Variants in POU2AF3 observed in about 807,000 individuals in gnomAD.
POU2AF3 encodes the protein POU class 2 homeobox associating factor 3.
the POU2AF3 span, chr11:111,306,525 G>A: frequency 3.2e-6 from 5 of 1,550,076 alleles, no homozygotes; most frequent in Non-Finnish European, 4.4e-6. Flanking sequence ...CCTTCAGACA[G>A]AGATGCACCC....
chr11:111,302,489 T>A, the POU2AF3 span, among the ~76,000 whole-genome samples: 1 of 152,324 alleles, frequency 6.6e-6, no homozygotes, highest in African/African-American at 2.4e-5. Flanking sequence ...GGCACTTCTG[T>A]TGCTGCTGGG....
At chr11:111,305,085 T>A in the POU2AF3 span, 1 of 613,106 alleles carries the variant, frequency 1.6e-6, no homozygotes, top group Non-Finnish European at 2.4e-6. Context: ...CACCACCATT[T>A]AATTGGAATC....
chr11:111,302,101 C>T, the POU2AF3 span, among the ~76,000 whole-genome samples: 1 of 152,182 alleles, frequency 6.6e-6, no homozygotes, highest in African/African-American at 2.4e-5. Context: ...TTTATAACAA[C>T]CAGCGGAGGT....
At chr11:111,298,564 C>A in the POU2AF3 span, 1 of 1,246,578 alleles carries the variant, frequency 8.0e-7, no homozygotes, top group South Asian at 4.1e-5. Flanking sequence ...GCCACCGACC[C>A]AGCTCCTGCT....
the POU2AF3 span, chr11:111,306,362 G>T: frequency 2.3e-6 from 3 of 1,306,098 alleles, no homozygotes; most frequent in Non-Finnish European, 3.0e-6. Context: ...CAATTTTTAT[G>T]CAAAAACCTG....
the POU2AF3 span, among the ~76,000 whole-genome samples, chr11:111,303,799 G>A: frequency 6.6e-6 from 1 of 151,862 alleles, no homozygotes; most frequent in Admixed American, 6.6e-5. Context: ...AGTATGCCCT[G>A]TAACCCAAAA....
chr11:111,306,823 C>T, the POU2AF3 span, among the ~76,000 whole-genome samples: 4 of 152,120 alleles, frequency 2.6e-5, no homozygotes, highest in Admixed American at 2.6e-4. Flanking sequence ...TGGATACACA[C>T]GTAATTTAGA....
At chr11:111,303,507 C>A in the POU2AF3 span, among the ~76,000 whole-genome samples, 1 of 152,146 alleles carries the variant, frequency 6.6e-6, no homozygotes. Context: ...ATTGTAAACA[C>A]ACCTCAGGGA....
At chr11:111,306,535 C>T in the POU2AF3 span, 15 of 1,551,346 alleles carry the variant, frequency 9.7e-6, no homozygotes, top group South Asian at 8.3e-5. Context: ...GAGATGCACC[C>T]GGAGCCTTTG....
At chr11:111,299,475 C>T in the POU2AF3 span, 1 of 1,099,336 alleles carries the variant, frequency 9.1e-7, no homozygotes, top group Non-Finnish European at 1.1e-6. Flanking sequence ...GGGGCTGAGG[C>T]TGCCCCTGCT....
At chr11:111,299,863 A>T in the POU2AF3 span, 5 of 602,636 alleles carry the variant, frequency 8.3e-6, no homozygotes, top group Non-Finnish European at 1.2e-5. Context: ...CGAGGGAGGG[A>T]GTTCCTCGGG....
At chr11:111,303,475 G>A in the POU2AF3 span, among the ~76,000 whole-genome samples, 1 of 152,140 alleles carries the variant, frequency 6.6e-6, no homozygotes, top group Non-Finnish European at 1.5e-5. Flanking sequence ...CCCATGACTA[G>A]AAAGATAATA....
At chr11:111,304,031 C>A in the POU2AF3 span, among the ~76,000 whole-genome samples, 38,001 of 151,970 alleles carry the variant, frequency 0.25, 5,311 homozygotes, top group South Asian at 0.46. Context: ...TAAATAAAAG[C>A]AACTTTTATA....
chr11:111,308,537 A>ATGT, the POU2AF3 span: 1 of 1,263,398 alleles, frequency 7.9e-7, no homozygotes, highest in Non-Finnish European at 1.1e-6. Flanking sequence ...ACAATATCCC[A>ATGT]AGCACAGTTT....
At chr11:111,306,619 G>A in the POU2AF3 span, 4 of 1,550,978 alleles carry the variant, frequency 2.6e-6, no homozygotes, top group Non-Finnish European at 3.5e-6. Flanking sequence ...TTTAACCAGA[G>A]CCTGGTAATT....
chr11:111,299,229 G>C, the POU2AF3 span: 1 of 985,136 alleles, frequency 1.0e-6, no homozygotes. Flanking sequence ...GCAGTGACCA[G>C]GCGAGGCGCT....
At chr11:111,308,279 A>G in the POU2AF3 span, 1 of 1,551,694 alleles carries the variant, frequency 6.4e-7, no homozygotes, top group South Asian at 1.2e-5. Context: ...CACCACCTCC[A>G]TCTGCTACTG....
chr11:111,308,310 A>T, the POU2AF3 span: 1 of 1,551,606 alleles, frequency 6.4e-7, no homozygotes, highest in Non-Finnish European at 8.7e-7. Context: ...GAGGCAGAGG[A>T]CTTGGATGCT....
At chr11:111,308,325 A>G in the POU2AF3 span, 1 of 1,551,716 alleles carries the variant, frequency 6.4e-7, no homozygotes, top group Admixed American at 2.0e-5. Context: ...GATGCTCTCC[A>G]GGCAGCAGAG....
Sources: gnomAD v4.1 joint callset for allele counts (sites outside exome capture counted in the v4.1 genomes callset) on GRCh38, gnomAD v4.1.1 for gene constraint, MANE v1.5 for transcripts, NCBI Gene and HGNC (gene_info 2026-07-23, HGNC 2026-07-21) for gene names.